Variants in PCDHGB1 observed in about 807,000 individuals in gnomAD.
The protein encoded by PCDHGB1 is protocadherin gamma-B1.
PCDHGB1 carries 34 observed loss-of-function variants against 56.6 expected under a neutral mutation model. That is an observed-to-expected ratio of 0.60 (90% CI 0.46 to 0.80). The LOEUF is 0.80. Ranked by LOEUF, PCDHGB1 falls within the 30% of genes least tolerant of loss-of-function variation. PCDHGB1 has a pLI of 0.00. For missense variants in PCDHGB1, 1,278 were observed against 1,204.6 expected (o/e 1.06, Z -0.90); for synonymous variants, 561 against 505.9 (o/e 1.11, Z -1.46).
rs146372628 is a variant in PCDHGB1, at chr5:141,476,246, G to A, written c.2410-18561G>A. On this transcript the variant is annotated intron_variant, in intron 1 of 3. Coordinates refer to ENST00000523390, the MANE Select transcript of PCDHGB1 (RefSeq NM_018922.3). The surrounding 1 kb of genome is among the most constrained non-coding windows in gnomAD (Gnocchi z 7.6). ...TGAGATCCCGGAGGAAAGAGAGAAG[G>A]GTTTCGCTGTGGGCAACGTGGTCGC... 1.0e-3 allele frequency: 1,689 copies of A among 1,613,996 alleles called. 1 individual carries two copies. Among genetic ancestry groups the A allele is most frequent in the Non-Finnish European group, 1.3e-3 (1,557 of 1,180,008 alleles).
chr5:141,375,987 G>A, intron 1 of PCDHGB1: 1 of 1,613,458 alleles, frequency 6.2e-7, no homozygotes, highest in Non-Finnish European at 8.5e-7. Context: ...CTGCTGGACA[G>A]AGACGCGCTC....
At chr5:141,406,859 TC>T (rs1171504234) in intron 1 of PCDHGB1, among the ~76,000 whole-genome samples, 1 of 152,252 alleles carries the variant, frequency 6.6e-6, no homozygotes, top group African/African-American at 2.4e-5. Flanking sequence ...AAGAAAATAT[TC>T]TCAGGAACTG....
intron 1 of PCDHGB1, chr5:141,355,849 G>T (rs375626682): frequency 6.2e-6 from 10 of 1,612,302 alleles, no homozygotes; most frequent in Non-Finnish European, 8.5e-6. Context: ...GGCCTTCGAT[G>T]GAGGTGACCC....
intron 1 of PCDHGB1, among the ~76,000 whole-genome samples, chr5:141,465,683 A>G (rs2099107378): frequency 6.6e-6 from 1 of 152,236 alleles, no homozygotes; most frequent in African/African-American, 2.4e-5. Context: ...GCTCTTGACC[A>G]GTCTGCTTTT....
chr5:141,417,905 G>A (rs1462731893), intron 1 of PCDHGB1: 1 of 1,593,646 alleles, frequency 6.3e-7, no homozygotes, highest in Admixed American at 1.8e-5. Flanking sequence ...CCCGCGGCAG[G>A]TACTATTTCC....
rs2099416627 is a variant in PCDHGB1 at position 141,477,726 on chromosome 5, C to T, written c.2410-17081C>T. 6.2e-7 allele frequency: 1 copy of T among 1,613,822 alleles called. No homozygotes were observed. The highest frequency in any genetic ancestry group is 8.5e-7 in the Non-Finnish European group (1 of 1,180,020). ...GATCGGCGGGAATTTGAATTAACAG[C>T]TCATATCAGCGATGGGGGCACCCCG... On this transcript the variant is annotated intron_variant, in intron 1 of 3. Coordinates refer to ENST00000523390, the MANE Select transcript of PCDHGB1 (RefSeq NM_018922.3). This position sits in a 1 kb window ranked among gnomAD's most constrained non-coding sequence, Gnocchi z 4.9.
Position 141,489,471 on chromosome 5 carries a change from G to A in PCDHGB1, c.2410-5336G>A. ...AGGAGAATGGGCGCTATTTTTCCCT[G>A]AGCTTGATGAGTGGTGCCCTGGCAG... On this transcript the variant is annotated intron_variant, in intron 1 of 3. Transcript: ENST00000523390. This position sits in a 1 kb window ranked among gnomAD's most constrained non-coding sequence, Gnocchi z 4.5. 1 of 1,614,074 alleles carries A rather than the reference G, an allele frequency of 6.2e-7. No homozygotes were observed. The highest frequency in any genetic ancestry group is 8.5e-7 in the Non-Finnish European group (1 of 1,180,026).
At chr5:141,396,636 A>G (rs1206522598) in intron 1 of PCDHGB1, 1 of 152,050 alleles carries the variant, frequency 6.6e-6, no homozygotes, top group African/African-American at 2.4e-5. Context: ...AAAAAAAACT[A>G]ATATTAATAG....
chr5:141,468,920 A>G (rs2099185605), intron 1 of PCDHGB1, among the ~76,000 whole-genome samples: 1 of 151,612 alleles, frequency 6.6e-6, no homozygotes, highest in South Asian at 2.1e-4. Context: ...AGAAGAGAAT[A>G]GCACTAAAAT....
intron 1 of PCDHGB1, chr5:141,428,889 C>G (rs1486441305): frequency 1.3e-5 from 2 of 150,826 alleles, no homozygotes; most frequent in African/African-American, 4.9e-5. Flanking sequence ...GAGTCTCGCT[C>G]TGTGGTCCAG....
At chr5:141,367,766 A>T (rs1166226365) in intron 1 of PCDHGB1, 4 of 152,176 alleles carry the variant, frequency 2.6e-5, no homozygotes, top group Admixed American at 2.0e-4. Context: ...TGCACTCAAT[A>T]AATGTAAATA....
chr5:141,384,768 G>C (rs1046016115), intron 1 of PCDHGB1: 4 of 1,613,804 alleles, frequency 2.5e-6, no homozygotes, highest in Non-Finnish European at 3.4e-6. Context: ...GGCTGTACAC[G>C]GGCGAGGTGC....
intron 1 of PCDHGB1, chr5:141,394,163 T>C (rs1207627975): frequency 3.7e-6 from 6 of 1,613,782 alleles, no homozygotes; most frequent in Non-Finnish European, 5.1e-6. Flanking sequence ...ACAACCCTCC[T>C]ACTTTCCCTC....
chr5:141,393,274 T>G (rs747983531), intron 1 of PCDHGB1: 11 of 1,613,952 alleles, frequency 6.8e-6, no homozygotes, highest in Non-Finnish European at 9.3e-6. Flanking sequence ...CGTTATCCAC[T>G]CCCAGAAGCT....
At chr5:141,433,607 G>T (rs1209706866) in intron 1 of PCDHGB1, among the ~76,000 whole-genome samples, 1 of 152,080 alleles carries the variant, frequency 6.6e-6, no homozygotes. Flanking sequence ...AGGCCGAGGC[G>T]GGTGGATCAC....
intron 1 of PCDHGB1, among the ~76,000 whole-genome samples, chr5:141,481,103 C>G (rs190529217): frequency 2.6e-4 from 39 of 152,252 alleles, no homozygotes; most frequent in Non-Finnish European, 3.4e-4. Context: ...TACTCTGGAA[C>G]CTACCAATCC....
At chr5:141,473,169 C>T (rs141382764) in intron 1 of PCDHGB1, among the ~76,000 whole-genome samples, 2 of 152,286 alleles carry the variant, frequency 1.3e-5, no homozygotes, top group East Asian at 3.9e-4. Context: ...GGAAGGCCCA[C>T]TGGTAACTTG....
At chr5:141,395,340 G>A in intron 1 of PCDHGB1, 2 of 1,419,480 alleles carry the variant, frequency 1.4e-6, no homozygotes, top group Non-Finnish European at 1.9e-6. Context: ...TAATTTTTAA[G>A]GTGTATCACA....
chr5:141,357,274 T>C, intron 1 of PCDHGB1: 7 of 1,613,774 alleles, frequency 4.3e-6, no homozygotes, highest in Non-Finnish European at 5.1e-6. Context: ...CCTCACACTC[T>C]ATCTCGTGGT....
Sources: gnomAD v4.1 joint callset for allele counts (sites outside exome capture counted in the v4.1 genomes callset) on GRCh38, gnomAD v4.1.1 for gene constraint, Gnocchi (gnomAD v3.1) non-coding constraint, MANE v1.5 for transcripts, NCBI Gene and HGNC (gene_info 2026-07-23, HGNC 2026-07-21) for gene names.